Variants in SMOC1 observed in about 807,000 individuals in gnomAD.
SMOC1 encodes SPARC related modular calcium binding 1.
SMOC1 carries 22 observed loss-of-function variants against 56.3 expected under a neutral mutation model. That is an observed-to-expected ratio of 0.39 (90% CI 0.28 to 0.56). SMOC1 has a LOEUF of 0.56. SMOC1 is among the 20% of genes least tolerant of loss of function. The pLI is 0.61. For synonymous variants in SMOC1, 193 were observed against 215.0 expected (o/e 0.90, Z 0.89); for missense variants, 509 against 565.4 (o/e 0.90, Z 1.01).
At chr14:70,001,226 C>T (rs1187064929) in intron 7 of SMOC1, among the ~76,000 whole-genome samples, 2 of 152,108 alleles carry the variant, frequency 1.3e-5, no homozygotes, top group African/African-American at 4.8e-5. Flanking sequence ...AGCATTGCCG[C>T]TTAGTTTTAA....
At chr14:70,011,689 C>T (rs1176727372) in intron 9 of SMOC1, 122 bp downstream of exon 9, 54 of 907,480 alleles carry the variant, frequency 6.0e-5, no homozygotes, top group Non-Finnish European at 8.0e-5. Flanking sequence ...AGCCAGGAGC[C>T]GTGGGATCTA....
At chr14:70,018,918 C>CGG (rs977424652) in intron 10 of SMOC1, among the ~76,000 whole-genome samples, 2 of 152,204 alleles carry the variant, frequency 1.3e-5, no homozygotes, top group African/African-American at 4.8e-5. Context: ...CAACTCCAGA[C>CGG]GGGGCTCAGT....
intron 5 of SMOC1, among the ~76,000 whole-genome samples, chr14:69,980,646 T>C (rs891917229): frequency 3.9e-5 from 6 of 152,198 alleles, no homozygotes; most frequent in Admixed American, 6.5e-5. Context: ...GGTTCCTCTT[T>C]CAGCTGCCAC....
At chr14:69,964,656 A>G (rs1883502160) in intron 3 of SMOC1, among the ~76,000 whole-genome samples, 1 of 152,052 alleles carries the variant, frequency 6.6e-6, no homozygotes. Context: ...GAATTAAAGG[A>G]ACTGCTCTTC....
chr14:69,901,163 G>T (rs767939749), intron 1 of SMOC1, among the ~76,000 whole-genome samples: 1 of 152,220 alleles, frequency 6.6e-6, no homozygotes, highest in African/African-American at 2.4e-5. Context: ...TGTCCAGGAA[G>T]ATGAAGAGAA....
rs768254518 is a variant in SMOC1 at position 70,011,556 on chromosome 14, G to A, written c.929G>A (p.Arg310Lys). The change falls in exon 9 of 12, where the codon AGG becomes AAG. Residue 310 changes from arginine (R) to lysine (K), a missense_variant. Physicochemically the swap from Arg to Lys is conservative, Grantham distance 26. Coordinates refer to ENST00000361956, the MANE Select transcript of SMOC1 (RefSeq NM_001034852.3). ...GAGGCGGATGACCCCTTCAAGGACA[G>A]GGAGCTACCAGGTGGGAGACGATGC... ...TTEADDPFKD[R>K]ELPGCPEGKK... 21 of 1,612,880 alleles carry A rather than the reference G, an allele frequency of 1.3e-5. No individual in the cohort carries two copies. In the East Asian group the frequency reaches 4.7e-4, roughly 36 times the overall value.
chr14:69,916,352 C>T (rs1012205835), intron 1 of SMOC1, among the ~76,000 whole-genome samples: 1 of 152,274 alleles, frequency 6.6e-6, no homozygotes, highest in Non-Finnish European at 1.5e-5. Flanking sequence ...TAGGCTCTCT[C>T]CTCAGGATAA....
intron 1 of SMOC1, among the ~76,000 whole-genome samples, chr14:69,931,049 C>T (rs1339793306): frequency 6.6e-6 from 1 of 152,178 alleles, no homozygotes; most frequent in Non-Finnish European, 1.5e-5. Context: ...GTGGCCAGAA[C>T]AAGCAGCTGA....
At chr14:70,030,160 C>T (rs1886086114) in intron 11 of SMOC1, 82 bp from the exon 12 acceptor site, 7 of 1,598,806 alleles carry the variant, frequency 4.4e-6, no homozygotes, top group Non-Finnish European at 6.0e-6. Context: ...CTGGATTTCT[C>T]ACAAGCCCAA....
At chr14:69,939,476 A>G (rs1882468819) in intron 1 of SMOC1, among the ~76,000 whole-genome samples, 2 of 152,192 alleles carry the variant, frequency 1.3e-5, no homozygotes, top group Non-Finnish European at 2.9e-5. Flanking sequence ...TGGGTGGGGA[A>G]ATAGCCAAAC....
At chr14:69,983,999 C>T (rs1884274097) in intron 5 of SMOC1, among the ~76,000 whole-genome samples, 1 of 152,078 alleles carries the variant, frequency 6.6e-6, no homozygotes, top group African/African-American at 2.4e-5. Flanking sequence ...TTCGGAAAGG[C>T]AATGGAACTA....
Position 69,946,809 on chromosome 14 carries a change from G to A in SMOC1, c.100-5329G>A, listed in dbSNP as rs556670248. 1.3e-4 allele frequency among the ~76,000 whole-genome samples: 20 copies of A among 152,336 alleles called. No homozygotes were observed. The East Asian group carries it at 3.1e-3, about 23-fold the overall frequency. On this transcript the variant is annotated intron_variant, in intron 1 of 11. Transcript: ENST00000361956. Reference sequence around the variant, plus strand: ...TTGGAGGTGGGCCCTGGTGGGAGGTGCTTTGGTCCTTGGGGTGCATCCCTC... The same window carrying A: ...TTGGAGGTGGGCCCTGGTGGGAGGTACTTTGGTCCTTGGGGTGCATCCCTC...
At chr14:69,911,403 A>G (rs1225601274) in intron 1 of SMOC1, among the ~76,000 whole-genome samples, 1 of 152,186 alleles carries the variant, frequency 6.6e-6, no homozygotes, top group Non-Finnish European at 1.5e-5. Flanking sequence ...TTTTTGGTGA[A>G]CAGTTACATG....
intron 1 of SMOC1, among the ~76,000 whole-genome samples, chr14:69,946,362 G>C (rs1362172607): frequency 6.6e-6 from 1 of 152,174 alleles, no homozygotes. Context: ...TTACAAATGT[G>C]AACAAAACAC....
intron 5 of SMOC1, among the ~76,000 whole-genome samples, chr14:69,990,088 G>A (rs547069008): frequency 2.8e-4 from 42 of 152,284 alleles, no homozygotes; most frequent in Non-Finnish European, 5.0e-4. Context: ...TTCCCTGCAA[G>A]TGGCTTTATG....
rs115176769 is a variant in SMOC1, at chr14:70,028,748, G to T, written c.1292-1494G>T. 3.9e-3 allele frequency among the ~76,000 whole-genome samples: 596 copies of T among 152,256 alleles called. 6 individuals carry two copies. The highest frequency in any genetic ancestry group is 0.013 in the African/African-American group (554 of 41,546). On this transcript the variant is annotated intron_variant, in intron 11 of 11. Transcript: ENST00000361956. ...TTGAAGTCAGCAGCCTGACTCTGCCGCTTCCCACCTGCCTGCCTTGGGGCT... is the reference window on the plus strand; with the variant it reads ...TTGAAGTCAGCAGCCTGACTCTGCCTCTTCCCACCTGCCTGCCTTGGGGCT...
At chr14:69,986,011 T>C (rs964383348) in intron 5 of SMOC1, among the ~76,000 whole-genome samples, 6 of 152,162 alleles carry the variant, frequency 3.9e-5, no homozygotes, top group African/African-American at 1.4e-4. Flanking sequence ...TTGGAAGGTA[T>C]CTGCTGTGAG....
intron 1 of SMOC1, among the ~76,000 whole-genome samples, chr14:69,921,137 G>A (rs1021344987): frequency 6.6e-6 from 1 of 152,192 alleles, no homozygotes; most frequent in African/African-American, 2.4e-5. Context: ...CTGCAGGGCT[G>A]GCCAGATGCC....
chr14:69,888,523 T>A (rs2139296885), intron 1 of SMOC1, among the ~76,000 whole-genome samples: 1 of 152,330 alleles, frequency 6.6e-6, no homozygotes, highest in Non-Finnish European at 1.5e-5. Context: ...CAGGGAGCAC[T>A]GGGACTGAGC....
Sources: gnomAD v4.1 joint callset for allele counts (sites outside exome capture counted in the v4.1 genomes callset) on GRCh38, gnomAD v4.1.1 for gene constraint, MANE v1.5 for transcripts, NCBI Gene and HGNC (gene_info 2026-07-23, HGNC 2026-07-21) for gene names.